STAU2: variants seen among roughly 807,000 people sequenced by gnomAD.
The protein encoded by STAU2 is staufen double-stranded RNA binding protein 2, also known as double-stranded RNA-binding protein Staufen homolog 2.
STAU2 carries 20 observed loss-of-function variants against 65.9 expected under a neutral mutation model. The ratio of observed to expected loss-of-function variants is 0.30; its 90% CI spans 0.21 to 0.44. The LOEUF is 0.44. Ranked by LOEUF, STAU2 falls within the 20% of genes least tolerant of loss-of-function variation. The pLI is 1.00. For missense variants in STAU2, 558 were observed against 683.9 expected (o/e 0.82, Z 2.05); for synonymous variants, 232 against 233.9 (o/e 0.99, Z 0.07).
intron 6 of STAU2, among the ~76,000 whole-genome samples, chr8:73,654,212 A>G (rs1816119517): frequency 1.3e-5 from 2 of 152,208 alleles, no homozygotes; most frequent in African/African-American, 2.4e-5. Flanking sequence ...ATTTTTACCT[A>G]TACATAGTAG....
chr8:73,731,678 C>G (rs1437134298), intron 3 of STAU2, among the ~76,000 whole-genome samples: 1 of 152,186 alleles, frequency 6.6e-6, no homozygotes, highest in African/African-American at 2.4e-5. Context: ...TGACTCACGC[C>G]TGTAATTCCA....
At chr8:73,668,831 T>A (rs1817436593) in intron 6 of STAU2, 4 of 405,148 alleles carry the variant, frequency 9.9e-6, no homozygotes, top group East Asian at 3.6e-5. Flanking sequence ...AGAAGAAAAA[T>A]TCAGTTCTTC....
chr8:73,597,558 T>A (rs1811287108), intron 10 of STAU2, among the ~76,000 whole-genome samples: 1 of 146,508 alleles, frequency 6.8e-6, no homozygotes, highest in African/African-American at 2.5e-5. Context: ...TAATCCCAGC[T>A]ACTTGAAAGG....
intron 5 of STAU2, among the ~76,000 whole-genome samples, chr8:73,685,969 C>A (rs1186517730): frequency 6.6e-6 from 1 of 152,130 alleles, no homozygotes; most frequent in East Asian, 1.9e-4. Context: ...GAATACTACT[C>A]AGCCATAAAA....
chr8:73,683,008 T>C (rs919043828), intron 5 of STAU2, among the ~76,000 whole-genome samples: 10 of 152,104 alleles, frequency 6.6e-5, no homozygotes, highest in African/African-American at 2.4e-4. Flanking sequence ...ACCAGACGGA[T>C]TCACAGCTGA....
intron 5 of STAU2, among the ~76,000 whole-genome samples, chr8:73,686,947 T>C (rs1586270835): frequency 6.7e-6 from 1 of 148,396 alleles, no homozygotes; most frequent in Non-Finnish European, 1.5e-5. Flanking sequence ...GGCTGGAGTG[T>C]AGTGGCGTGA....
At chr8:73,686,141 G>A (rs7010119) in intron 5 of STAU2, among the ~76,000 whole-genome samples, 18 of 152,200 alleles carry the variant, frequency 1.2e-4, no homozygotes, top group African/African-American at 1.7e-4. Flanking sequence ...TGGGCCGGGC[G>A]CGGTGGCTCA....
chr8:73,523,505 T>C (rs1823175983), intron 13 of STAU2, among the ~76,000 whole-genome samples: 1 of 152,156 alleles, frequency 6.6e-6, no homozygotes, highest in Admixed American at 6.5e-5. Context: ...ACAAACGCAG[T>C]CATGTTTCTA....
intron 13 of STAU2, among the ~76,000 whole-genome samples, chr8:73,522,138 T>C (rs1047069846): frequency 8.5e-5 from 13 of 152,192 alleles, no homozygotes; most frequent in Non-Finnish European, 4.4e-5. Flanking sequence ...TTTGGTGATA[T>C]TGACAATGCA....
chr8:73,708,961 C>A (rs113515261), intron 4 of STAU2, 71 bp downstream of exon 4: 1 of 1,383,902 alleles, frequency 7.2e-7, no homozygotes. Context: ...AAATAAAGCA[C>A]GATTAAAATC....
chr8:73,687,150 A>G (rs1034447118), intron 5 of STAU2, among the ~76,000 whole-genome samples: 8 of 143,618 alleles, frequency 5.6e-5, no homozygotes, highest in Non-Finnish European at 3.0e-5. Context: ...ATTTATATAA[A>G]TTATATTTAT....
At chr8:73,636,215 T>C (rs1312170182) in intron 6 of STAU2, among the ~76,000 whole-genome samples, 1 of 151,914 alleles carries the variant, frequency 6.6e-6, no homozygotes, top group African/African-American at 2.4e-5. Context: ...CAAAACCCCA[T>C]ATCTACAAAA....
intron 13 of STAU2, among the ~76,000 whole-genome samples, chr8:73,525,849 G>A (rs1052083664): frequency 1.3e-5 from 2 of 152,198 alleles, no homozygotes; most frequent in Non-Finnish European, 2.9e-5. Flanking sequence ...TATTCAAAAA[G>A]GTGGAGTTGC....
intron 3 of STAU2, among the ~76,000 whole-genome samples, chr8:73,721,706 A>G (rs776063596): frequency 1.3e-5 from 2 of 152,202 alleles, no homozygotes; most frequent in Non-Finnish European, 2.9e-5. Flanking sequence ...ATATACTTTA[A>G]TATTAATATA....
chr8:73,709,196 G>A (rs1820720783), intron 3 of STAU2, 34 bp from the exon 4 acceptor site: 3 of 1,447,004 alleles, frequency 2.1e-6, no homozygotes, highest in Non-Finnish European at 2.7e-6. Context: ...TTTTTGTGAA[G>A]AATGACTTTA....
At chr8:73,698,923 T>TAAAAAA (rs34819729) in intron 4 of STAU2, among the ~76,000 whole-genome samples, 1 of 129,100 alleles carries the variant, frequency 7.7e-6, no homozygotes, top group Non-Finnish European at 1.6e-5. Flanking sequence ...CTTAAAACAT[T>TAAAAAA]AAAAAAAAAA....
chr8:73,634,345 T>C (rs572635874), intron 6 of STAU2, among the ~76,000 whole-genome samples: 75 of 152,184 alleles, frequency 4.9e-4, no homozygotes, highest in African/African-American at 1.8e-3. Flanking sequence ...CTGGTCAACA[T>C]GGTGAAACCC....
intron 13 of STAU2, among the ~76,000 whole-genome samples, chr8:73,500,122 A>C (rs1035942034): frequency 5.3e-5 from 8 of 151,910 alleles, no homozygotes; most frequent in African/African-American, 1.7e-4. Context: ...CTATCTGTCA[A>C]GCTATTATGG....
intron 5 of STAU2, among the ~76,000 whole-genome samples, chr8:73,687,356 T>TTTATATATATA (rs1243776186): frequency 5.8e-4 from 10 of 17,382 alleles, no homozygotes; most frequent in Admixed American, 2.0e-3. Flanking sequence ...ATAATTTATA[T>TTTATATATATA]AATATAAATA....
Sources: allele counts gnomAD v4.1 joint callset (sites outside exome capture counted in the v4.1 genomes callset), GRCh38; gene constraint gnomAD v4.1.1; transcripts MANE v1.5; gene names NCBI Gene and HGNC (gene_info 2026-07-23, HGNC 2026-07-21).